The following HMGXB4 variants were observed in gnomAD, a reference collection of about 807,000 sequenced individuals.
The protein encoded by HMGXB4 is HMG-box containing 4, also known as HMG domain-containing protein 4.
A neutral mutation model predicts 63.9 loss-of-function variants in HMGXB4; 27 were observed. That is an observed-to-expected ratio of 0.42 (90% CI 0.31 to 0.58). The LOEUF is 0.58. Among genes scored for constraint, HMGXB4 ranks in the 20% least tolerant of loss-of-function variants. HMGXB4 has a pLI of 0.13. For missense variants in HMGXB4, 624 were observed against 700.7 expected, an observed-to-expected ratio of 0.89 and a Z score of 1.24; for synonymous variants, 264 against 265.3, an observed-to-expected ratio of 0.99 and a Z score of 0.05.
chr22:35,294,293 C>G lies in HMGXB4; in HGVS notation c.*642C>G, dbSNP rs945352698. 1 of 152,408 alleles carries G rather than the reference C, an allele frequency of 6.6e-6. No homozygotes were observed. Among genetic ancestry groups the G allele is most frequent in the Non-Finnish European group, 1.5e-5 (1 of 68,044 alleles). The allele number at this position is 152,408 out of a possible 1,614,324, so 9.4% of individuals were successfully genotyped here. A position where few individuals can be genotyped will look rare whatever the true frequency, so the allele number is the denominator to read the frequency against. On this transcript the variant is annotated 3_prime_UTR_variant, in exon 11 of 11. Coordinates refer to ENST00000216106, the MANE Select transcript of HMGXB4 (RefSeq NM_001003681.3). The stretch of plus-strand genomic sequence containing the variant: ...TCATTGGTACCATTGGTGGCCTCAA[C>G]AGAGGCCAAGGAGTTCTGTGAGCCC...
upstream of HMGXB4, among the ~76,000 whole-genome samples, chr22:35,253,144 A>AAAAAAAAAAAAAAGAAAAAG (rs11282400): frequency 8.0e-6 from 1 of 125,316 alleles, no homozygotes; most frequent in African/African-American, 2.9e-5. Context: ...AAAAAAAAAA[A>AAAAAAAAAAAAAAGAAAAAG]AAAAAAGAAA....
rs1012881534 is a variant in HMGXB4, at chr22:35,270,173, T to C, written c.1215+4570T>C. Among the ~76,000 whole-genome samples the C allele has an allele frequency of 3.9e-5, 6 of 152,240 alleles. No homozygotes were observed. In the East Asian group the frequency reaches 9.7e-4, roughly 25 times the overall value. ...CAGGAGTTGAGTGGCGGGCAAGCCA[T>C]TGAAGCTTCATCTCTATTTACAGCC... On this transcript the variant is annotated intron_variant, in intron 5 of 10. Coordinates refer to ENST00000216106, the MANE Select transcript of HMGXB4 (RefSeq NM_001003681.3).
chr22:35,248,750 G>C, the HMGXB4 span, among the ~76,000 whole-genome samples: 79,897 of 151,864 alleles, frequency 0.53, 24,376 homozygotes, highest in Non-Finnish European at 0.68. Context: ...ACCAGCTGAA[G>C]AAAAACTCAC....
upstream of HMGXB4, among the ~76,000 whole-genome samples, chr22:35,253,144 A>AAAAGAAAG (rs569919305): frequency 6.4e-3 from 807 of 125,382 alleles, 8 homozygotes; most frequent in Middle Eastern, 0.032. Context: ...AAAAAAAAAA[A>AAAAGAAAG]AAAAAAGAAA....
At chr22:35,258,613 GAGA>G (rs1922624187) in intron 1 of HMGXB4, 1 of 152,362 alleles carries the variant, frequency 6.6e-6, no homozygotes, top group Non-Finnish European at 1.5e-5. Flanking sequence ...TAGGTCCCTG[GAGA>G]AGGGAGTGGC....
At chr22:35,267,832 C>T (rs1422232872) in intron 5 of HMGXB4, among the ~76,000 whole-genome samples, 4 of 152,200 alleles carry the variant, frequency 2.6e-5, no homozygotes, top group African/African-American at 9.6e-5. Context: ...TCCTTTCATC[C>T]ACCAGTCCAT....
chr22:35,263,159 A>G lies in HMGXB4; in HGVS notation c.113A>G (p.Lys38Arg). The change falls in exon 3 of 11, where the codon AAA becomes AGA. Residue 38 changes from lysine to arginine, a missense_variant. Transcript: ENST00000216106. ...RSQREKKRSY[K>R]DFLREEEEIA... ...CAACGAGAGAAAAAACGTTCTTACA[A>G]AGATTTTTTAAGGGAAGAGGAAGAA... The G allele has an allele frequency of 6.2e-7, 1 of 1,614,162 alleles. No individual in the cohort carries two copies. Among genetic ancestry groups the G allele is most frequent in the African/African-American group, 1.3e-5 (1 of 75,052 alleles).
the HMGXB4 span, among the ~76,000 whole-genome samples, chr22:35,242,708 G>C: frequency 1.3e-5 from 2 of 151,970 alleles, no homozygotes; most frequent in Non-Finnish European, 2.9e-5. Context: ...TCTTGAGATG[G>C]GAGCTTCAAT....
At position 35,273,054 on chromosome 22, in the gene HMGXB4, C is replaced by G. The variant is rs539938835; in HGVS notation, c.1215+7451C>G. ...TAAGGCAGGGCCAGGTAGCCTAATGCCTGGCACACCCAGACATTGTTGATC... is the reference window on the plus strand; with the variant it reads ...TAAGGCAGGGCCAGGTAGCCTAATGGCTGGCACACCCAGACATTGTTGATC... On this transcript the variant is annotated intron_variant, in intron 5 of 10. Coordinates refer to ENST00000216106, the MANE Select transcript of HMGXB4 (RefSeq NM_001003681.3). 2.0e-5 allele frequency among the ~76,000 whole-genome samples: 3 copies of G among 152,276 alleles called. No individual in the cohort carries two copies. In the South Asian group the frequency reaches 6.2e-4, roughly 32 times the overall value.
chr22:35,274,402 AG>A (rs1370215122), intron 5 of HMGXB4, among the ~76,000 whole-genome samples: 2 of 152,238 alleles, frequency 1.3e-5, no homozygotes, highest in African/African-American at 4.8e-5. Flanking sequence ...AATTGCTGCC[AG>A]GCTGGCCTTC....
At chr22:35,242,534 T>C in the HMGXB4 span, among the ~76,000 whole-genome samples, 5 of 150,258 alleles carry the variant, frequency 3.3e-5, no homozygotes, top group African/African-American at 9.7e-5. Context: ...TAATCTGCTC[T>C]CTCTCTCTCT....
chr22:35,253,974 T>C (rs1262563047), upstream of HMGXB4, among the ~76,000 whole-genome samples: 1 of 152,196 alleles, frequency 6.6e-6, no homozygotes, highest in Non-Finnish European at 1.5e-5. Context: ...AATTAGGTCC[T>C]GTCACTTCTA....
the HMGXB4 span, among the ~76,000 whole-genome samples, chr22:35,250,430 A>T: frequency 6.6e-6 from 1 of 152,172 alleles, no homozygotes; most frequent in Non-Finnish European, 1.5e-5. Flanking sequence ...CAGATCTTAC[A>T]TGAACTCGTA....
chr22:35,253,680 C>G (rs933969131), upstream of HMGXB4, among the ~76,000 whole-genome samples: 1 of 152,076 alleles, frequency 6.6e-6, no homozygotes, highest in Admixed American at 6.5e-5. Context: ...GGTCAGGAGA[C>G]TATAAAGATG....
chr22:35,264,699 A>T lies in HMGXB4; in HGVS notation c.311A>T (p.Gln104Leu). 3.7e-6 allele frequency: 6 copies of T among 1,600,588 alleles called. No homozygotes were observed. In the South Asian group the frequency reaches 6.8e-5, roughly 18 times the overall value. The change falls in exon 5 of 11, where the codon CAG becomes CTG. Residue 104 changes from glutamine (Q) to leucine (L), a missense_variant. Physicochemically the swap from Gln to Leu is moderately radical, Grantham distance 113. This residue lies in a region of HMGXB4 where 472 missense variants were observed against 470.6 expected (regional missense o/e 1.00). Transcript: ENST00000216106. ...AAGAAAAAGAAAAAGTCCAGCCCAC[A>T]GTCTACTGATACAGCTATGGACCTG... ...SQKKKKKSSP[Q>L]STDTAMDLLK...
intron 5 of HMGXB4, among the ~76,000 whole-genome samples, chr22:35,280,466 C>T (rs1924178715): frequency 6.6e-6 from 1 of 152,142 alleles, no homozygotes; most frequent in Non-Finnish European, 1.5e-5. Flanking sequence ...TCACATCTTC[C>T]TCCTTCTCAG....
chr22:35,248,341 C>T, the HMGXB4 span, among the ~76,000 whole-genome samples: 1 of 146,686 alleles, frequency 6.8e-6, no homozygotes, highest in Non-Finnish European at 1.5e-5. Flanking sequence ...AGGAAGTGAA[C>T]AATCAATCAT....
At chr22:35,260,193 T>C (rs566469521) in intron 1 of HMGXB4, among the ~76,000 whole-genome samples, 1 of 152,264 alleles carries the variant, frequency 6.6e-6, no homozygotes, top group African/African-American at 2.4e-5. Flanking sequence ...TGACTGTATT[T>C]ATGACATTGA....
intron 1 of HMGXB4, among the ~76,000 whole-genome samples, 160 bp downstream of exon 1, chr22:35,257,717 A>G (rs1245810921): frequency 6.6e-6 from 1 of 152,158 alleles, no homozygotes; most frequent in African/African-American, 2.4e-5. Flanking sequence ...CGGGGACTGG[A>G]GTAGCGGCCG....
Sources: allele counts gnomAD v4.1 joint callset (sites outside exome capture counted in the v4.1 genomes callset), GRCh38; gene constraint gnomAD v4.1.1; regional missense constraint gnomAD v4.1.1; transcripts MANE v1.5; gene names NCBI Gene and HGNC (gene_info 2026-07-23, HGNC 2026-07-21).